Variants in CLSTN2 observed in about 807,000 individuals in gnomAD.
CLSTN2 encodes the protein calsyntenin 2.
Under a neutral mutation model 101.2 loss-of-function variants are expected in CLSTN2, and 48 were observed. The observed-to-expected ratio is 0.47, with a 90% CI of 0.38 to 0.60. The LOEUF (loss-of-function observed/expected upper bound fraction) is 0.60, where lower values mean the gene tolerates loss of function less well. Ranked by LOEUF, CLSTN2 falls within the 20% of genes least tolerant of loss-of-function variation. The probability of loss-of-function intolerance (pLI) is 0.00; values close to 1 mark genes in which losing one functional copy is unlikely to be tolerated. For synonymous variants in CLSTN2, 481 were observed against 463.6 expected (o/e 1.04, Z -0.48); for missense variants, 1,160 against 1,238.2 (o/e 0.94, Z 0.95).
chr3:140,219,363 C>T (rs576305973), intron 2 of CLSTN2, among the ~76,000 whole-genome samples: 71 of 152,014 alleles, frequency 4.7e-4, no homozygotes, highest in Non-Finnish European at 5.1e-4. Flanking sequence ...ATTAGTTGCG[C>T]GTGAGTGAGT....
chr3:140,209,177 A>T (rs1490180235), intron 2 of CLSTN2, among the ~76,000 whole-genome samples: 3 of 152,168 alleles, frequency 2.0e-5, no homozygotes, highest in Non-Finnish European at 4.4e-5. Flanking sequence ...ATGCATTATG[A>T]TTGTCAGCAG....
intron 8 of CLSTN2, chr3:140,508,803 A>T (rs916669099): frequency 6.6e-6 from 1 of 152,234 alleles, no homozygotes; most frequent in African/African-American, 2.4e-5. Flanking sequence ...CAGGAAATTC[A>T]TGAGGAAAAT....
At chr3:140,085,311 A>G (rs1376411851) in intron 1 of CLSTN2, among the ~76,000 whole-genome samples, 1 of 152,212 alleles carries the variant, frequency 6.6e-6, no homozygotes, top group East Asian at 1.9e-4. Context: ...CTTGCCAGCA[A>G]TGAGAGAGCC....
At chr3:140,368,935 G>A (rs541191105) in intron 2 of CLSTN2, among the ~76,000 whole-genome samples, 1 of 152,242 alleles carries the variant, frequency 6.6e-6, no homozygotes, top group Admixed American at 6.5e-5. Flanking sequence ...TAAAATGAAA[G>A]CATCTGGCAA....
chr3:140,288,949 TCCC>T (rs34628786), intron 2 of CLSTN2, among the ~76,000 whole-genome samples: 3 of 151,840 alleles, frequency 2.0e-5, no homozygotes, highest in Non-Finnish European at 4.4e-5. Flanking sequence ...TCCTCCCTGA[TCCC>T]CCGTGCCCTT....
At chr3:140,276,865 G>C (rs1300281219) in intron 2 of CLSTN2, among the ~76,000 whole-genome samples, 1 of 152,140 alleles carries the variant, frequency 6.6e-6, no homozygotes, top group Admixed American at 6.6e-5. Flanking sequence ...TCAGCACTCT[G>C]GGCTGCCTTT....
intron 2 of CLSTN2, among the ~76,000 whole-genome samples, chr3:140,232,608 AC>A (rs1158644359): frequency 6.6e-6 from 1 of 152,052 alleles, no homozygotes; most frequent in Admixed American, 6.6e-5. Flanking sequence ...CCATGTGCCT[AC>A]CCACTCAGCA....
chr3:140,123,758 A>C, intron 1 of CLSTN2, among the ~76,000 whole-genome samples: 1 of 152,048 alleles, frequency 6.6e-6, no homozygotes, highest in Non-Finnish European at 1.5e-5. Flanking sequence ...GTGTCCTCAC[A>C]TGGACTTTCC....
At chr3:139,989,952 T>G (rs1936089515) in intron 1 of CLSTN2, among the ~76,000 whole-genome samples, 2 of 152,230 alleles carry the variant, frequency 1.3e-5, no homozygotes, top group African/African-American at 4.8e-5. Context: ...CCTCCCATTA[T>G]TTTTTCTTAC....
chr3:140,238,607 A>C (rs1939246727), intron 2 of CLSTN2, among the ~76,000 whole-genome samples: 3 of 152,222 alleles, frequency 2.0e-5, no homozygotes, highest in African/African-American at 7.2e-5. Context: ...TTAGAATAAA[A>C]AAAGAAGAAC....
At chr3:140,556,301 C>T (rs931547809) in intron 10 of CLSTN2, among the ~76,000 whole-genome samples, 9 of 152,128 alleles carry the variant, frequency 5.9e-5, no homozygotes, top group Admixed American at 1.3e-4. Flanking sequence ...CTGGAAAGAC[C>T]TCATAGGAAA....
intron 2 of CLSTN2, among the ~76,000 whole-genome samples, chr3:140,249,110 C>A (rs766968100): frequency 1.3e-5 from 2 of 152,146 alleles, no homozygotes; most frequent in East Asian, 3.9e-4. Context: ...AACCCTATGA[C>A]TACTGGAGCC....
At chr3:140,345,594 T>A (rs972199952) in intron 2 of CLSTN2, among the ~76,000 whole-genome samples, 1 of 142,792 alleles carries the variant, frequency 7.0e-6, no homozygotes, top group South Asian at 2.3e-4. Context: ...GGTGATTATG[T>A]GTGGAATTTT....
chr3:139,988,764 G>C (rs1181905571), intron 1 of CLSTN2, among the ~76,000 whole-genome samples: 1 of 152,148 alleles, frequency 6.6e-6, no homozygotes, highest in Non-Finnish European at 1.5e-5. Flanking sequence ...TGAGTATTGG[G>C]GAGGTAAGTA....
At chr3:140,165,270 A>G (rs2010116955) in intron 1 of CLSTN2, among the ~76,000 whole-genome samples, 1 of 152,168 alleles carries the variant, frequency 6.6e-6, no homozygotes, top group African/African-American at 2.4e-5. Context: ...TTTGCGTGAT[A>G]CAGGAATACC....
chr3:139,935,860 G>T lies in CLSTN2; in HGVS notation c.109+377G>T, dbSNP rs1350068219. ...GACAAGCAGGTGTCTGCTCCTGCCTGGGGGAAGGATCAGCGGCGGTGCTTT... is the reference window on the plus strand; with the variant it reads ...GACAAGCAGGTGTCTGCTCCTGCCTTGGGGAAGGATCAGCGGCGGTGCTTT... On this transcript the variant is annotated intron_variant, in intron 1 of 16. Transcript: ENST00000458420. This position sits in a 1 kb window ranked among gnomAD's most constrained non-coding sequence, Gnocchi z 5.5. 6.6e-6 allele frequency among the ~76,000 whole-genome samples: 1 copy of T among 152,150 alleles called. No homozygotes were observed. The highest frequency in any genetic ancestry group is 2.1e-4 in the South Asian group (1 of 4,830).
At chr3:140,331,959 T>G (rs1019731279) in intron 2 of CLSTN2, among the ~76,000 whole-genome samples, 2 of 152,352 alleles carry the variant, frequency 1.3e-5, no homozygotes, top group Non-Finnish European at 2.9e-5. Flanking sequence ...TCTTCAAGAA[T>G]ATTTTCAGTG....
intron 1 of CLSTN2, among the ~76,000 whole-genome samples, chr3:140,148,019 T>C (rs897689758): frequency 6.6e-6 from 1 of 152,208 alleles, no homozygotes; most frequent in Non-Finnish European, 1.5e-5. Context: ...CTGCGACTTA[T>C]AAAGAGGATC....
At chr3:140,170,787 C>T (rs1170125496) in intron 1 of CLSTN2, among the ~76,000 whole-genome samples, 1 of 152,196 alleles carries the variant, frequency 6.6e-6, no homozygotes, top group African/African-American at 2.4e-5. Context: ...GTGTGTCTAG[C>T]ACAGGACATA....
Sources: gnomAD v4.1 joint callset for allele counts (sites outside exome capture counted in the v4.1 genomes callset) on GRCh38, gnomAD v4.1.1 for gene constraint, Gnocchi (gnomAD v3.1) non-coding constraint, MANE v1.5 for transcripts, NCBI Gene and HGNC (gene_info 2026-07-23, HGNC 2026-07-21) for gene names.